Variants in NUDT7 observed in about 807,000 individuals in gnomAD.
NUDT7 encodes peroxisomal coenzyme A diphosphatase NUDT7.
NUDT7 carries 19 observed loss-of-function variants against 13.1 expected under a neutral mutation model. The observed-to-expected ratio is 1.45, with a 90% confidence interval of 1.01 to 2.13. The LOEUF (loss-of-function observed/expected upper bound fraction) is 2.13. NUDT7 is among the 30% of genes most tolerant of loss of function. The probability of loss-of-function intolerance (pLI) is 0.00; values close to 1 mark genes in which losing one functional copy is unlikely to be tolerated. For synonymous variants in NUDT7, 132 were observed against 109.7 expected (o/e 1.20, Z -1.27); for missense variants, 360 against 291.7 (o/e 1.23, Z -1.71).
At chr16:77,727,458 T>A (rs1042981843) in intron 2 of NUDT7, among the ~76,000 whole-genome samples, 4 of 152,190 alleles carry the variant, frequency 2.6e-5, no homozygotes, top group African/African-American at 9.7e-5. Flanking sequence ...ATGATAGAAA[T>A]CCAGGTTCCA....
intron 2 of NUDT7, among the ~76,000 whole-genome samples, chr16:77,732,198 G>A (rs1258546344): frequency 6.6e-6 from 1 of 151,938 alleles, no homozygotes; most frequent in Non-Finnish European, 1.5e-5. Context: ...CATGCTGGCG[G>A]GTGCCTGTAA....
Position 77,742,083 on chromosome 16 carries a change from G to C in NUDT7, c.*133G>C. ...TCTGCAGTATGTAGTTAGAATCCTTGCCTCTTTTCCAGTTGCCTTCTATTG... is the reference window on the plus strand; with the variant it reads ...TCTGCAGTATGTAGTTAGAATCCTTCCCTCTTTTCCAGTTGCCTTCTATTG... On this transcript the variant is annotated 3_prime_UTR_variant, in exon 4 of 4. Transcript: ENST00000268533. 2 of 1,429,858 alleles carry C rather than the reference G, an allele frequency of 1.4e-6. No individual in the cohort carries two copies. Among genetic ancestry groups the C allele is most frequent in the Non-Finnish European group, 1.8e-6 (2 of 1,098,964 alleles). The allele number at this position is 1,429,858 out of a possible 1,614,324, so 88.6% of individuals were successfully genotyped here.
chr16:77,726,126 A>C (rs1474030899), intron 2 of NUDT7, among the ~76,000 whole-genome samples: 1 of 152,224 alleles, frequency 6.6e-6, no homozygotes, highest in Non-Finnish European at 1.5e-5. Context: ...AGAGCATAGA[A>C]GTTAACGGCC....
At chr16:77,735,499 T>G (rs1376519726) in intron 2 of NUDT7, 3 of 597,548 alleles carry the variant, frequency 5.0e-6, no homozygotes, top group East Asian at 5.5e-5. Flanking sequence ...CTGTACGGCC[T>G]GCGAGACTGT....
At chr16:77,733,649 A>T (rs2014388691) in intron 2 of NUDT7, among the ~76,000 whole-genome samples, 1 of 152,184 alleles carries the variant, frequency 6.6e-6, no homozygotes, top group Non-Finnish European at 1.5e-5. Flanking sequence ...TGACCTTACA[A>T]GTTCTCATTA....
At chr16:77,724,889 C>T (rs1482211574) in intron 1 of NUDT7, among the ~76,000 whole-genome samples, 1 of 152,202 alleles carries the variant, frequency 6.6e-6, no homozygotes, top group Non-Finnish European at 1.5e-5. Flanking sequence ...GAGTTTGATA[C>T]AAATGCTAAT....
intron 2 of NUDT7, among the ~76,000 whole-genome samples, chr16:77,731,337 A>G (rs1052078260): frequency 4.0e-5 from 6 of 149,728 alleles, no homozygotes; most frequent in African/African-American, 7.5e-5. Context: ...TTTTCCATCA[A>G]TGATGGACCA....
intron 3 of NUDT7, among the ~76,000 whole-genome samples, chr16:77,737,033 G>T (rs2145125003): frequency 6.8e-6 from 1 of 147,648 alleles, no homozygotes; most frequent in South Asian, 2.1e-4. Context: ...TAGGAAACTA[G>T]ACCATAGGAA....
chr16:77,740,386 G>A (rs1393759794), intron 3 of NUDT7, among the ~76,000 whole-genome samples: 1 of 152,076 alleles, frequency 6.6e-6, no homozygotes, highest in African/African-American at 2.4e-5. Context: ...GGATGCTCCA[G>A]GAATTCCAGT....
intron 3 of NUDT7, among the ~76,000 whole-genome samples, chr16:77,738,523 G>T (rs1597119270): frequency 6.6e-6 from 1 of 152,112 alleles, no homozygotes; most frequent in Non-Finnish European, 1.5e-5. Flanking sequence ...TCTAATCTAC[G>T]TGGCTCTTAA....
At chr16:77,741,409 A>C in intron 3 of NUDT7, 173 bp from the exon 4 acceptor site, 1 of 603,718 alleles carries the variant, frequency 1.7e-6, no homozygotes, top group Non-Finnish European at 2.9e-6. Context: ...CCTCAGGTAG[A>C]GCAGGATGAC....
At chr16:77,735,706 T>TA in intron 2 of NUDT7, 122 bp from the exon 3 acceptor site, 2 of 903,286 alleles carry the variant, frequency 2.2e-6, no homozygotes, top group Non-Finnish European at 3.5e-6. Flanking sequence ...GGGGTCTTGA[T>TA]ACCACCACCT....
intron 3 of NUDT7, chr16:77,741,340 G>T: frequency 2.5e-6 from 1 of 405,226 alleles, no homozygotes; most frequent in Non-Finnish European, 4.4e-6. Flanking sequence ...CATTCCAAAA[G>T]ATTGTACTAC....
In NUDT7 at chr16:77,735,828, C is replaced by G; in HGVS notation, c.190C>G (p.Leu64Val). 1 of 1,612,846 alleles carries G rather than the reference C, an allele frequency of 6.2e-7. No individual in the cohort carries two copies. Among genetic ancestry groups the G allele is most frequent in the Non-Finnish European group, 8.5e-7 (1 of 1,179,034 alleles). ...GTAGCGCTGTTCTTTCTATATCCAG[C>G]TAAGAAGGGCCCCTGGAGAAGTTTG... Reference protein sequence around the residue: ...HLLFTVRSEKLRRAPGEVCFP... With the variant: ...HLLFTVRSEKVRRAPGEVCFP... The change falls in exon 3 of 4, where the codon CTA becomes GTA. Residue 64 changes from leucine (L) to valine (V), a missense_variant and splice_region_variant. Leu to Val is a conservative substitution (Grantham distance 32, BLOSUM62 1). Coordinates refer to ENST00000268533, the MANE Select transcript of NUDT7 (RefSeq NM_001105663.3).
rs1394301543 is a variant in NUDT7 at position 77,741,578 on chromosome 16, T to C, written c.349-4T>C. On this transcript the variant is annotated splice_region_variant and splice_polypyrimidine_tract_variant and intron_variant, in intron 3 of 3. Transcript: ENST00000268533. ...AATTTGTCTGTTTTGTTTTCTGCTT[T>C]TAGACAGATACATTGATAACTCCAT... The C allele has an allele frequency of 1.3e-6, 2 of 1,594,934 alleles. No individual in the cohort carries two copies. The highest frequency in any genetic ancestry group is 1.7e-5 in the Admixed American group (1 of 57,684).
chr16:77,741,021 AGTATT>A (rs2014642604), intron 3 of NUDT7, among the ~76,000 whole-genome samples: 2 of 152,238 alleles, frequency 1.3e-5, no homozygotes, highest in Admixed American at 6.5e-5. Flanking sequence ...TGTCATAACT[AGTATT>A]ATATCACTTT....
At chr16:77,724,433 T>A (rs1197697027) in intron 1 of NUDT7, among the ~76,000 whole-genome samples, 1 of 138,884 alleles carries the variant, frequency 7.2e-6, no homozygotes, top group Non-Finnish European at 1.5e-5. Flanking sequence ...AGCTAATTTA[T>A]GCTTTTTTTT....
At chr16:77,736,839 T>G (rs1368375445) in intron 3 of NUDT7, 2 of 157,382 alleles carry the variant, frequency 1.3e-5, no homozygotes, top group African/African-American at 4.8e-5. Flanking sequence ...GGGGTAAATA[T>G]TGTATTAAGA....
chr16:77,725,637 C>G (rs773731130), intron 2 of NUDT7, 53 bp downstream of exon 2: 1 of 1,556,696 alleles, frequency 6.4e-7, no homozygotes, highest in Admixed American at 1.8e-5. Context: ...CAGAAGACCT[C>G]ACGAGATTTT....
Sources: allele counts gnomAD v4.1 joint callset (sites outside exome capture counted in the v4.1 genomes callset), GRCh38; gene constraint gnomAD v4.1.1; transcripts MANE v1.5; gene names NCBI Gene and HGNC (gene_info 2026-07-23, HGNC 2026-07-21).